The following AGBL4 variants were observed in gnomAD, a reference collection of about 807,000 sequenced individuals.
AGBL4 encodes the protein AGBL carboxypeptidase 4, also known as cytosolic carboxypeptidase 6.
In AGBL4, 58 loss-of-function variants were observed where a neutral mutation model predicts 66.4. That is an observed-to-expected ratio of 0.87 (90% CI 0.71 to 1.09). The LOEUF is 1.09. AGBL4 is among the 50% of genes least tolerant of loss of function. The pLI is 0.00. For missense variants in AGBL4, 579 were observed against 631.0 expected, an observed-to-expected ratio of 0.92 and a Z score of 0.88; for synonymous variants, 234 against 222.9, an observed-to-expected ratio of 1.05 and a Z score of -0.44.
At chr1:49,400,365 G>T (rs1645058688) in intron 3 of AGBL4, among the ~76,000 whole-genome samples, 1 of 148,998 alleles carries the variant, frequency 6.7e-6, no homozygotes, top group Non-Finnish European at 1.5e-5. Context: ...GGCTATTCTG[G>T]GTCTTTTCTG....
intron 1 of AGBL4, among the ~76,000 whole-genome samples, chr1:49,944,206 C>G (rs1015448362): frequency 6.6e-6 from 1 of 152,084 alleles, no homozygotes; most frequent in Non-Finnish European, 1.5e-5. Flanking sequence ...ACAGCTGATG[C>G]TCTTTTGAAA....
chr1:49,725,413 C>T (rs1301844306), intron 2 of AGBL4, among the ~76,000 whole-genome samples: 4 of 152,072 alleles, frequency 2.6e-5, no homozygotes, highest in Admixed American at 2.0e-4. Flanking sequence ...CAGAAATCTC[C>T]GTGGCTTACA....
intron 2 of AGBL4, among the ~76,000 whole-genome samples, chr1:49,737,994 C>T (rs1650043893): frequency 6.6e-6 from 1 of 152,024 alleles, no homozygotes; most frequent in Non-Finnish European, 1.5e-5. Context: ...GTGCAGTGCA[C>T]CGAGCGTGAG....
intron 5 of AGBL4, among the ~76,000 whole-genome samples, chr1:48,886,075 G>A (rs938309607): frequency 3.3e-5 from 5 of 152,202 alleles, no homozygotes; most frequent in African/African-American, 1.2e-4. Flanking sequence ...GAGAGGTCAG[G>A]TGGGGCTCAG....
At chr1:48,970,691 GA>G (rs1213808851) in intron 5 of AGBL4, among the ~76,000 whole-genome samples, 5 of 152,050 alleles carry the variant, frequency 3.3e-5, no homozygotes, top group Non-Finnish European at 7.4e-5. Context: ...ACAGTCCTCA[GA>G]AAAAAAGCAC....
At chr1:49,995,622 C>A (rs1377748181) in intron 1 of AGBL4, 1 of 226,984 alleles carries the variant, frequency 4.4e-6, no homozygotes, top group African/African-American at 2.3e-5. Flanking sequence ...CAAACCACAG[C>A]CTGAGACACC....
intron 6 of AGBL4, among the ~76,000 whole-genome samples, chr1:48,758,186 G>A (rs1412084967): frequency 6.6e-6 from 1 of 152,088 alleles, no homozygotes; most frequent in African/African-American, 2.4e-5. Flanking sequence ...TCTTCCTAAG[G>A]TCATGTGCCT....
intron 4 of AGBL4, among the ~76,000 whole-genome samples, chr1:49,227,396 C>G (rs191273448): frequency 6.6e-6 from 1 of 152,076 alleles, no homozygotes; most frequent in African/African-American, 2.4e-5. Flanking sequence ...TTTTTTTCAC[C>G]TGGATTACAA....
intron 6 of AGBL4, among the ~76,000 whole-genome samples, chr1:48,846,232 T>A (rs1352403194): frequency 1.3e-5 from 2 of 152,076 alleles, no homozygotes; most frequent in Non-Finnish European, 2.9e-5. Context: ...GAAAGGGGCC[T>A]GCTATACCTG....
At chr1:49,313,746 C>A (rs558049068) in intron 3 of AGBL4, among the ~76,000 whole-genome samples, 1 of 151,982 alleles carries the variant, frequency 6.6e-6, no homozygotes, top group East Asian at 1.9e-4. Context: ...AATTTAAGTT[C>A]TTTGTAGATT....
chr1:49,522,397 C>T (rs1372617194), intron 3 of AGBL4, among the ~76,000 whole-genome samples: 1 of 152,052 alleles, frequency 6.6e-6, no homozygotes, highest in East Asian at 1.9e-4. Context: ...GTCACTAGAC[C>T]ATACGCAACA....
At chr1:49,151,923 G>A (rs1646343790) in intron 4 of AGBL4, among the ~76,000 whole-genome samples, 1 of 151,750 alleles carries the variant, frequency 6.6e-6, no homozygotes, top group South Asian at 2.1e-4. Context: ...AAGGCTTCCA[G>A]AGGAAGGAAT....
intron 1 of AGBL4, among the ~76,000 whole-genome samples, chr1:49,965,328 A>G (rs1243273320): frequency 6.6e-6 from 1 of 152,182 alleles, no homozygotes; most frequent in East Asian, 1.9e-4. Flanking sequence ...TTCTTCATTA[A>G]AAATGGCCAC....
At chr1:48,603,189 G>A (rs1324492979) in intron 9 of AGBL4, among the ~76,000 whole-genome samples, 1 of 152,152 alleles carries the variant, frequency 6.6e-6, no homozygotes. Context: ...CAATACATTG[G>A]GGCCCAGCGC....
At chr1:49,457,960 T>C (rs1646427743) in intron 3 of AGBL4, among the ~76,000 whole-genome samples, 1 of 151,926 alleles carries the variant, frequency 6.6e-6, no homozygotes, top group East Asian at 1.9e-4. Context: ...TTGGTGACTA[T>C]GACCTTATAG....
chr1:49,269,219 C>T (rs1047599922), intron 3 of AGBL4: 1 of 152,176 alleles, frequency 6.6e-6, no homozygotes, highest in African/African-American at 2.4e-5. Flanking sequence ...GATTAATCTA[C>T]AGTTGATCAC....
At chr1:49,508,369 C>T (rs1014782004) in intron 3 of AGBL4, among the ~76,000 whole-genome samples, 2 of 151,840 alleles carry the variant, frequency 1.3e-5, no homozygotes, top group Admixed American at 1.3e-4. Flanking sequence ...ACTTATGTTC[C>T]AGCATTAAAA....
intron 10 of AGBL4, among the ~76,000 whole-genome samples, chr1:48,590,421 A>C (rs1298440967): frequency 2.0e-5 from 3 of 151,362 alleles, no homozygotes; most frequent in Non-Finnish European, 4.4e-5. Flanking sequence ...AAAAAAAAAA[A>C]AAAATTAGCC....
chr1:48,657,646 G>A (rs866892530), intron 7 of AGBL4, among the ~76,000 whole-genome samples: 1 of 152,198 alleles, frequency 6.6e-6, no homozygotes, highest in South Asian at 2.1e-4. Context: ...GTCATGAGGT[G>A]CAGTGGGTGG....
Sources: gnomAD v4.1 joint callset for allele counts (sites outside exome capture counted in the v4.1 genomes callset) on GRCh38, gnomAD v4.1.1 for gene constraint, MANE v1.5 for transcripts, NCBI Gene and HGNC (gene_info 2026-07-23, HGNC 2026-07-21) for gene names.